The following FRA10AC1 variants were observed in gnomAD, a reference collection of about 807,000 sequenced individuals.
FRA10AC1 encodes the protein protein FRA10AC1.
A neutral mutation model predicts 56.5 loss-of-function variants in FRA10AC1; 43 were observed. The ratio of observed to expected loss-of-function variants is 0.76; its 90% CI spans 0.60 to 0.98. The LOEUF (loss-of-function observed/expected upper bound fraction) is 0.98. FRA10AC1 is among the 50% of genes least tolerant of loss of function. The probability of loss-of-function intolerance (pLI) is 0.00; values close to 1 mark genes in which losing one functional copy is unlikely to be tolerated. For missense variants in FRA10AC1, 346 were observed against 351.8 expected, an observed-to-expected ratio of 0.98 and a Z score of 0.13; for synonymous variants, 112 against 110.5, an observed-to-expected ratio of 1.01 and a Z score of -0.09.
At chr10:93,686,148 A>G (rs190861607) in intron 8 of FRA10AC1, among the ~76,000 whole-genome samples, 29 of 152,036 alleles carry the variant, frequency 1.9e-4, no homozygotes, top group Admixed American at 1.1e-3. Context: ...ATCTGTAACC[A>G]GCAAATCTTT....
chr10:93,684,608 T>C (rs1211229679), intron 9 of FRA10AC1, among the ~76,000 whole-genome samples: 2 of 151,752 alleles, frequency 1.3e-5, no homozygotes, highest in African/African-American at 4.8e-5. Context: ...ATACGTAGCA[T>C]GTGGGGACAT....
At chr10:93,697,070 A>G (rs547217529) in intron 4 of FRA10AC1, among the ~76,000 whole-genome samples, 1 of 152,222 alleles carries the variant, frequency 6.6e-6, no homozygotes, top group Non-Finnish European at 1.5e-5. Flanking sequence ...AAAGTAATAA[A>G]ATAAAATAAA....
At chr10:93,679,195 G>A (rs1243944873) in intron 11 of FRA10AC1, among the ~76,000 whole-genome samples, 3 of 152,192 alleles carry the variant, frequency 2.0e-5, no homozygotes, top group Admixed American at 6.5e-5. Context: ...ATAAGAAAGA[G>A]ATGTCTCAAT....
At chr10:93,675,864 T>A (rs1326951873) in intron 12 of FRA10AC1, among the ~76,000 whole-genome samples, 1 of 152,198 alleles carries the variant, frequency 6.6e-6, no homozygotes, top group Non-Finnish European at 1.5e-5. Flanking sequence ...AAATTCAACA[T>A]TATATTACTG....
chr10:93,672,383 T>C (rs559317229), intron 12 of FRA10AC1: 2 of 155,608 alleles, frequency 1.3e-5, no homozygotes, highest in African/African-American at 2.4e-5. Context: ...ATGACAGCCA[T>C]CACTGGAATG....
At chr10:93,675,913 A>ATGTACCCTTT (rs1280170802) in intron 12 of FRA10AC1, among the ~76,000 whole-genome samples, 1 of 152,182 alleles carries the variant, frequency 6.6e-6, no homozygotes, top group East Asian at 1.9e-4. Flanking sequence ...ACACAAATGG[A>ATGTACCCTTT]TGTACCCTTT....
intron 4 of FRA10AC1, among the ~76,000 whole-genome samples, chr10:93,697,672 AG>A (rs1360309857): frequency 2.0e-5 from 3 of 152,198 alleles, no homozygotes; most frequent in African/African-American, 7.2e-5. Context: ...GGCAGGCCTG[AG>A]GACAGTCCAC....
chr10:93,701,046 C>G (rs1009422295), intron 1 of FRA10AC1, among the ~76,000 whole-genome samples: 1 of 152,060 alleles, frequency 6.6e-6, no homozygotes, highest in Admixed American at 6.5e-5. Context: ...ATGTTGCCCA[C>G]GCCGGTCTCA....
At chr10:93,684,176 C>T (rs568291348) in intron 9 of FRA10AC1, 78 bp from the exon 10 acceptor site, 13 of 1,073,050 alleles carry the variant, frequency 1.2e-5, no homozygotes, top group South Asian at 5.4e-5. Context: ...CATAAATTCG[C>T]ACTTTCTTTA....
chr10:93,678,956 A>T (rs2058888210), intron 11 of FRA10AC1, among the ~76,000 whole-genome samples: 1 of 152,170 alleles, frequency 6.6e-6, no homozygotes, highest in Non-Finnish European at 1.5e-5. Context: ...AGCGTTTATT[A>T]ATTACTCTTC....
At position 93,668,242 on chromosome 10, in the gene FRA10AC1, CTA is replaced by C. The variant is rs2058709937; in HGVS notation, c.*1582_*1583del. 6.6e-6 allele frequency: 1 copy of C among 152,100 alleles called. No homozygotes were observed. Among genetic ancestry groups the C allele is most frequent in the African/African-American group, 2.4e-5 (1 of 41,406 alleles). The allele number at this position is 152,100 out of a possible 1,614,324, so 9.4% of individuals were successfully genotyped here. Reference sequence around the variant, plus strand: ...TACTTGCTTATGTTCAGTTCATTTTCTATATGTCCTTTCTCTTATTCATCAAG... The same window carrying C: ...TACTTGCTTATGTTCAGTTCATTTTCTATGTCCTTTCTCTTATTCATCAAG... On this transcript the variant is annotated 3_prime_UTR_variant, in exon 14 of 14. Transcript: ENST00000359204.
At chr10:93,699,107 C>G (rs2059285238) in intron 2 of FRA10AC1, among the ~76,000 whole-genome samples, 1 of 152,018 alleles carries the variant, frequency 6.6e-6, no homozygotes, top group Non-Finnish European at 1.5e-5. Flanking sequence ...GACTGTCAGC[C>G]CTAGTTATAG....
chr10:93,685,465 T>C (rs879026447), intron 8 of FRA10AC1, 106 bp from the exon 9 acceptor site: 27 of 600,216 alleles, frequency 4.5e-5, no homozygotes, highest in Middle Eastern at 8.1e-4. Flanking sequence ...AAATTAACCA[T>C]AGTCAGCCTT....
rs527966193 is a variant in FRA10AC1, at chr10:93,690,155, G to A, written c.465+1854C>T. ...TGTATAAATAAAGAGAAGAGAAAAT[G>A]CATCCTAGTGAGGGAACCAAAGGCA... On this transcript the variant is annotated intron_variant, in intron 7 of 13. Transcript: ENST00000359204. Among the ~76,000 whole-genome samples, 3 of 152,186 alleles carry A rather than the reference G, an allele frequency of 2.0e-5. No individual in the cohort carries two copies. The South Asian group carries it at 6.2e-4, about 32-fold the overall frequency.
chr10:93,696,880 C>G (rs182728836), intron 4 of FRA10AC1, among the ~76,000 whole-genome samples: 2 of 152,304 alleles, frequency 1.3e-5, no homozygotes, highest in Non-Finnish European at 2.9e-5. Context: ...CACATGTTGT[C>G]ACCCATAAAT....
At chr10:93,672,153 T>C in intron 12 of FRA10AC1, 1 of 401,840 alleles carries the variant, frequency 2.5e-6, no homozygotes, top group Non-Finnish European at 4.8e-6. Flanking sequence ...AAACACAACA[T>C]AAAAATAAAA....
chr10:93,684,174 C>A, intron 9 of FRA10AC1, 76 bp from the exon 10 acceptor site: 1 of 1,097,858 alleles, frequency 9.1e-7, no homozygotes, highest in South Asian at 1.3e-5. Flanking sequence ...ATCATAAATT[C>A]GCACTTTCTT....
At position 93,681,493 on chromosome 10, in the gene FRA10AC1, C is replaced by T; in HGVS notation, c.774G>A (p.Lys258=). 6.4e-7 allele frequency: 1 copy of T among 1,568,092 alleles called. No individual in the cohort carries two copies. Among genetic ancestry groups the T allele is most frequent in the Non-Finnish European group, 8.6e-7 (1 of 1,159,926 alleles). Residue 258 remains lysine (K), a synonymous_variant, in exon 11 of 14, where the codon AAG becomes AAA. Coordinates refer to ENST00000359204, the MANE Select transcript of FRA10AC1 (RefSeq NM_145246.5). ...SRLSSAEEAS[K]KKDKGHSSSK... ...ATTTCCTTTTACCTTTATCTTTTTT[C>T]TTGGAGGCCTCTTCTGCAGAAGATA...
Position 93,698,108 on chromosome 10 carries a change from T to C in FRA10AC1, c.219+28A>G, listed in dbSNP as rs774628418. On this transcript the variant is annotated intron_variant, in intron 4 of 13. Transcript: ENST00000359204. Reference sequence around the variant, plus strand: ...AGATTTTAAAATATTCTACTAGTTATAAAAATCTGGAAATAAAAAAAGGAT... The same window carrying C: ...AGATTTTAAAATATTCTACTAGTTACAAAAATCTGGAAATAAAAAAAGGAT... 3.6e-6 allele frequency: 5 copies of C among 1,370,184 alleles called. No individual in the cohort carries two copies. In the Admixed American group the frequency reaches 9.6e-5, roughly 26 times the overall value. 84.9% of individuals were successfully genotyped at this position (1,370,184 alleles called of 1,614,324 possible).
Sources: allele counts gnomAD v4.1 joint callset (sites outside exome capture counted in the v4.1 genomes callset), GRCh38; gene constraint gnomAD v4.1.1; transcripts MANE v1.5; gene names NCBI Gene and HGNC (gene_info 2026-07-23, HGNC 2026-07-21).